The following NRXN1 variants were observed in gnomAD, a reference collection of about 807,000 sequenced individuals.
The protein encoded by NRXN1 is neurexin-1.
Under a neutral mutation model 150.9 loss-of-function variants are expected in NRXN1, and 39 were observed. The ratio of observed to expected loss-of-function variants is 0.26; its 90% CI spans 0.20 to 0.34. NRXN1 has a LOEUF of 0.34. Among genes scored for constraint, NRXN1 ranks in the 10% least tolerant of loss-of-function variants. NRXN1 has a pLI of 1.00. For missense variants in NRXN1, 1,815 were observed against 1,949.9 expected (o/e 0.93, Z 1.30); for synonymous variants, 924 against 757.0 (o/e 1.22, Z -3.62).
intron 21 of NRXN1, among the ~76,000 whole-genome samples, chr2:50,027,606 T>C (rs1558723724): frequency 6.6e-6 from 1 of 152,140 alleles, no homozygotes; most frequent in Non-Finnish European, 1.5e-5. Context: ...CATGTCCTCC[T>C]AATTTTTATA....
intron 21 of NRXN1, among the ~76,000 whole-genome samples, chr2:49,975,341 GAATT>G (rs966712712): frequency 7.9e-5 from 12 of 152,074 alleles, no homozygotes; most frequent in African/African-American, 2.6e-4. Flanking sequence ...ACATTTGAAA[GAATT>G]AATTCTAACA....
chr2:51,030,576 T>C (rs10181001), intron 1 of NRXN1, among the ~76,000 whole-genome samples: 89,767 of 151,052 alleles, frequency 0.59, 26,898 homozygotes, highest in African/African-American at 0.68. Flanking sequence ...ACACACAGTG[T>C]GGGTGTGCGC....
chr2:51,005,029 C>G (rs1234314269), intron 2 of NRXN1, among the ~76,000 whole-genome samples: 1 of 151,884 alleles, frequency 6.6e-6, no homozygotes, highest in Non-Finnish European at 1.5e-5. Flanking sequence ...TAGATACACA[C>G]CTGTATCTAG....
At chr2:50,298,696 C>G (rs1389836427) in intron 17 of NRXN1, among the ~76,000 whole-genome samples, 2 of 152,126 alleles carry the variant, frequency 1.3e-5, no homozygotes, top group African/African-American at 4.8e-5. Flanking sequence ...TTTGAAATTT[C>G]TGCTAAGTAC....
chr2:50,455,875 A>G (rs769650834), intron 17 of NRXN1, among the ~76,000 whole-genome samples: 3 of 152,152 alleles, frequency 2.0e-5, no homozygotes, highest in Non-Finnish European at 2.9e-5. Context: ...GAAGCTTTGC[A>G]AGCAAATTCA....
At chr2:50,970,605 C>T (rs1349495713) in intron 2 of NRXN1, among the ~76,000 whole-genome samples, 3 of 151,958 alleles carry the variant, frequency 2.0e-5, no homozygotes, top group Non-Finnish European at 4.4e-5. Flanking sequence ...TTCTTGATTC[C>T]AACTTTGAAT....
In NRXN1 at chr2:49,920,657, G is replaced by T. The variant is rs201142287; in HGVS notation, c.*1287C>A. 6.6e-6 allele frequency: 1 copy of T among 151,908 alleles called. No individual in the cohort carries two copies. The highest frequency in any genetic ancestry group is 2.4e-5 in the African/African-American group (1 of 41,180). 9.4% of individuals were successfully genotyped at this position (151,908 alleles called of 1,614,324 possible). ...AATAAATATTTGCTACTGTATGCAC[G>T]TTTGGATCTTCCAGCATATCTGATG... On this transcript the variant is annotated 3_prime_UTR_variant, in exon 23 of 23. Transcript: ENST00000401669.
At chr2:50,480,653 G>A (rs1573170327) in intron 15 of NRXN1, among the ~76,000 whole-genome samples, 1 of 152,142 alleles carries the variant, frequency 6.6e-6, no homozygotes, top group South Asian at 2.1e-4. Flanking sequence ...TAGCCTTTGG[G>A]CCACCACTCA....
intron 21 of NRXN1, among the ~76,000 whole-genome samples, chr2:50,002,439 A>C (rs1244990197): frequency 6.6e-6 from 1 of 152,148 alleles, no homozygotes; most frequent in Non-Finnish European, 1.5e-5. Context: ...TTTCTCCTAT[A>C]GGCCCTATTT....
intron 16 of NRXN1, among the ~76,000 whole-genome samples, chr2:50,471,731 A>G (rs1026372457): frequency 1.3e-5 from 2 of 151,722 alleles, no homozygotes; most frequent in African/African-American, 4.8e-5. Context: ...GGCCTACTGG[A>G]GGGTGGAGAG....
intron 2 of NRXN1, among the ~76,000 whole-genome samples, chr2:50,997,342 G>C (rs973193273): frequency 6.6e-6 from 1 of 151,540 alleles, no homozygotes; most frequent in Admixed American, 6.6e-5. Flanking sequence ...CTCCAGCCTG[G>C]GCAACAGAGT....
chr2:50,155,101 C>T (rs188870394), intron 18 of NRXN1, among the ~76,000 whole-genome samples: 161 of 151,536 alleles, frequency 1.1e-3, no homozygotes, highest in Non-Finnish European at 1.8e-3. Flanking sequence ...TTGATTACTC[C>T]GTGAGGTAAT....
intron 19 of NRXN1, among the ~76,000 whole-genome samples, chr2:50,090,880 G>A (rs1370272264): frequency 6.6e-6 from 1 of 151,960 alleles, no homozygotes; most frequent in East Asian, 1.9e-4. Context: ...ACACTTTAAT[G>A]TGTTTCAGCT....
intron 8 of NRXN1, among the ~76,000 whole-genome samples, chr2:50,611,790 G>C (rs1048210936): frequency 6.6e-6 from 1 of 152,124 alleles, no homozygotes; most frequent in African/African-American, 2.4e-5. Context: ...GCCAGAGTAG[G>C]GAAGAGGTTC....
chr2:50,294,180 G>C (rs994293822), intron 17 of NRXN1, among the ~76,000 whole-genome samples: 2 of 152,106 alleles, frequency 1.3e-5, no homozygotes, highest in Non-Finnish European at 2.9e-5. Flanking sequence ...TCAATTTATG[G>C]AGTAAAATAA....
chr2:50,957,563 C>A (rs901013509), intron 2 of NRXN1, among the ~76,000 whole-genome samples: 1 of 152,080 alleles, frequency 6.6e-6, no homozygotes, highest in Admixed American at 6.6e-5. Context: ...TAAAGAAATA[C>A]ATTTGTGATA....
chr2:50,760,125 C>T (rs1701633524), intron 5 of NRXN1, among the ~76,000 whole-genome samples: 1 of 151,958 alleles, frequency 6.6e-6, no homozygotes, highest in African/African-American at 2.4e-5. Flanking sequence ...ACTACTCAAA[C>T]ATGTCAATTG....
chr2:50,358,306 A>C (rs999456640), intron 17 of NRXN1, among the ~76,000 whole-genome samples: 5 of 152,210 alleles, frequency 3.3e-5, no homozygotes, highest in Non-Finnish European at 7.4e-5. Flanking sequence ...ACCCCCCTGG[A>C]GTCCAGCAAG....
intron 17 of NRXN1, among the ~76,000 whole-genome samples, chr2:50,247,567 A>G (rs752696646): frequency 1.3e-5 from 2 of 152,148 alleles, no homozygotes; most frequent in Non-Finnish European, 2.9e-5. Context: ...TTTTCCAAAA[A>G]TGCATAGTCT....
Sources: allele counts gnomAD v4.1 joint callset (sites outside exome capture counted in the v4.1 genomes callset), GRCh38; gene constraint gnomAD v4.1.1; transcripts MANE v1.5; gene names NCBI Gene and HGNC (gene_info 2026-07-23, HGNC 2026-07-21).